ADAM2: variants seen among roughly 807,000 people sequenced by gnomAD.
ADAM2 encodes the protein disintegrin and metalloproteinase domain-containing protein 2.
A neutral mutation model predicts 99.3 loss-of-function variants in ADAM2; 101 were observed. The observed-to-expected ratio is 1.02, with a 90% CI of 0.87 to 1.20. ADAM2 has a LOEUF of 1.20. ADAM2 is among the 50% of genes most tolerant of loss of function. The probability of loss-of-function intolerance (pLI) is 0.00; values close to 1 mark genes in which losing one functional copy is unlikely to be tolerated. For synonymous variants in ADAM2, 323 were observed against 287.6 expected, an observed-to-expected ratio of 1.12 and a Z score of -1.25; for missense variants, 948 against 878.7, an observed-to-expected ratio of 1.08 and a Z score of -1.00.
intron 6 of ADAM2, 47 bp downstream of exon 6, chr8:39,820,955 A>G (rs374817918): frequency 2.0e-5 from 25 of 1,226,488 alleles, no homozygotes; most frequent in Non-Finnish European, 2.5e-5. Flanking sequence ...CAGTGCTTAC[A>G]TTGCTGTATA....
At chr8:39,771,442 T>C (rs1265720504) in intron 11 of ADAM2, among the ~76,000 whole-genome samples, 2 of 152,186 alleles carry the variant, frequency 1.3e-5, no homozygotes, top group Non-Finnish European at 2.9e-5. Context: ...CCACTTACTA[T>C]AAATAATAAA....
intron 11 of ADAM2, among the ~76,000 whole-genome samples, chr8:39,773,574 A>C (rs2129584479): frequency 6.6e-6 from 1 of 151,918 alleles, no homozygotes; most frequent in South Asian, 2.1e-4. Context: ...AGGGCATATC[A>C]CAAATTATCC....
At chr8:39,802,241 G>C (rs774269329) in intron 7 of ADAM2, among the ~76,000 whole-genome samples, 1 of 152,140 alleles carries the variant, frequency 6.6e-6, no homozygotes, top group Non-Finnish European at 1.5e-5. Context: ...CCCCTTCCCC[G>C]TGCGGCTCTC....
chr8:39,764,879 G>A (rs1802508939), intron 14 of ADAM2, among the ~76,000 whole-genome samples: 1 of 151,916 alleles, frequency 6.6e-6, no homozygotes, highest in African/African-American at 2.4e-5. Context: ...GCCGGGTGTG[G>A]TGGTGTGTGC....
chr8:39,798,044 T>G (rs540827653), intron 7 of ADAM2, among the ~76,000 whole-genome samples: 1 of 152,382 alleles, frequency 6.6e-6, no homozygotes, highest in Non-Finnish European at 1.5e-5. Context: ...TTCTCTTGCC[T>G]GATGGCCCTG....
At chr8:39,781,292 CAT>C (rs1491342119) in intron 10 of ADAM2, among the ~76,000 whole-genome samples, 7 of 151,944 alleles carry the variant, frequency 4.6e-5, no homozygotes, top group Non-Finnish European at 7.4e-5. Context: ...TGTGTGTGCG[CAT>C]GTGTGTGTGT....
At chr8:39,760,593 C>G (rs1243939862) in intron 15 of ADAM2, among the ~76,000 whole-genome samples, 2 of 151,912 alleles carry the variant, frequency 1.3e-5, no homozygotes, top group Non-Finnish European at 2.9e-5. Context: ...TGGTGGCAGG[C>G]GCCTGCAGTC....
intron 3 of ADAM2, among the ~76,000 whole-genome samples, chr8:39,827,963 C>T (rs73615830): frequency 4.2e-4 from 64 of 151,894 alleles, no homozygotes; most frequent in African/African-American, 1.2e-3. Context: ...AAATATGTTG[C>T]GAACTGTTTA....
chr8:39,773,888 A>G (rs1258513534), intron 11 of ADAM2, among the ~76,000 whole-genome samples: 2 of 151,888 alleles, frequency 1.3e-5, no homozygotes, highest in African/African-American at 4.8e-5. Context: ...GAGAATTACT[A>G]CTAAAGATCT....
chr8:39,802,841 T>C (rs899180010), intron 7 of ADAM2, among the ~76,000 whole-genome samples: 7 of 152,234 alleles, frequency 4.6e-5, no homozygotes, highest in African/African-American at 1.7e-4. Context: ...AATCGTTTGT[T>C]CTAGCCATCA....
intron 16 of ADAM2, among the ~76,000 whole-genome samples, chr8:39,754,978 G>T (rs4733922): frequency 6.6e-6 from 1 of 152,024 alleles, no homozygotes; most frequent in African/African-American, 2.4e-5. Context: ...TTGATGGAAG[G>T]TTCATAAAAA....
At chr8:39,797,633 T>A (rs1254802076) in intron 7 of ADAM2, among the ~76,000 whole-genome samples, 2 of 152,232 alleles carry the variant, frequency 1.3e-5, no homozygotes, top group Non-Finnish European at 2.9e-5. Flanking sequence ...ATAAATTACT[T>A]TGGGCAGTAT....
At chr8:39,814,156 G>A (rs375728835) in intron 6 of ADAM2, among the ~76,000 whole-genome samples, 5 of 151,948 alleles carry the variant, frequency 3.3e-5, no homozygotes, top group Admixed American at 2.0e-4. Flanking sequence ...CCAAGAGTTC[G>A]AGACCAGCCT....
intron 20 of ADAM2, among the ~76,000 whole-genome samples, chr8:39,744,535 C>A (rs1424502757): frequency 6.6e-6 from 1 of 151,960 alleles, no homozygotes; most frequent in Non-Finnish European, 1.5e-5. Flanking sequence ...CACACAGGAA[C>A]ATAAAACCAA....
intron 16 of ADAM2, among the ~76,000 whole-genome samples, chr8:39,753,161 G>C (rs1017715423): frequency 2.0e-5 from 3 of 152,176 alleles, no homozygotes; most frequent in African/African-American, 7.2e-5. Context: ...TGATCAAAAT[G>C]CGCTTAGTGA....
chr8:39,771,048 C>T (rs1340840460), intron 11 of ADAM2, among the ~76,000 whole-genome samples: 1 of 152,208 alleles, frequency 6.6e-6, no homozygotes, highest in Non-Finnish European at 1.5e-5. Flanking sequence ...CCTATAGTTA[C>T]TCAATCATTC....
Position 39,772,127 on chromosome 8 carries a change from A to G in ADAM2, c.1029-2552T>C, listed in dbSNP as rs940910409. On this transcript the variant is annotated intron_variant, in intron 11 of 20. Coordinates refer to ENST00000265708, the MANE Select transcript of ADAM2 (RefSeq NM_001464.5). The stretch of plus-strand genomic sequence containing the variant: ...AGAACGGTAAAAAAAAAAAAAAAGA[A>G]AAGAAAGTAAAATATCAAGCATAAT... 1.6e-3 allele frequency among the ~76,000 whole-genome samples: 239 copies of G among 151,698 alleles called. 7 individuals carry two copies. The highest frequency in any genetic ancestry group is 2.8e-4 in the Non-Finnish European group (19 of 67,836).
At chr8:39,769,163 G>A (rs1008491102) in intron 12 of ADAM2, among the ~76,000 whole-genome samples, 1 of 151,998 alleles carries the variant, frequency 6.6e-6, no homozygotes, top group African/African-American at 2.4e-5. Context: ...AATAAATAAA[G>A]GAAAATTACC....
chr8:39,821,755 T>G (rs917025774), intron 4 of ADAM2, 93 bp from the exon 5 acceptor site: 3 of 852,284 alleles, frequency 3.5e-6, no homozygotes, highest in Admixed American at 4.3e-5. Context: ...TTTGTTTTTA[T>G]GCATCAAACA....
Sources: gnomAD v4.1 joint callset for allele counts (sites outside exome capture counted in the v4.1 genomes callset) on GRCh38, gnomAD v4.1.1 for gene constraint, MANE v1.5 for transcripts, NCBI Gene and HGNC (gene_info 2026-07-23, HGNC 2026-07-21) for gene names.